The following RERE variants were observed in gnomAD, a reference collection of about 807,000 sequenced individuals.
The protein encoded by RERE is arginine-glutamic acid dipeptide repeats.
Under a neutral mutation model 146.1 loss-of-function variants are expected in RERE, and 40 were observed. The ratio of observed to expected loss-of-function variants is 0.27; its 90% CI spans 0.21 to 0.36. The LOEUF (loss-of-function observed/expected upper bound fraction) is 0.36, where lower values mean the gene tolerates loss of function less well. Among genes scored for constraint, RERE ranks in the 10% least tolerant of loss-of-function variants. RERE has a pLI of 1.00. For synonymous variants in RERE, 1,003 were observed against 866.0 expected (o/e 1.16, Z -2.78); for missense variants, 1,933 against 2,138.7 (o/e 0.90, Z 1.90).
chr1:8,664,033 T>C (rs2124354389), intron 1 of RERE, among the ~76,000 whole-genome samples: 2 of 152,252 alleles, frequency 1.3e-5, no homozygotes, highest in South Asian at 4.1e-4. Context: ...TTGATCCCAC[T>C]AGTGTTATCA....
intron 1 of RERE, among the ~76,000 whole-genome samples, chr1:8,750,021 G>A (rs767222766): frequency 6.6e-6 from 1 of 151,786 alleles, no homozygotes; most frequent in African/African-American, 2.4e-5. Context: ...GCGTGGTGGC[G>A]GGCACCTGTA....
intron 1 of RERE, among the ~76,000 whole-genome samples, chr1:8,663,827 T>C (rs1638509993): frequency 6.6e-6 from 1 of 152,104 alleles, no homozygotes; most frequent in African/African-American, 2.4e-5. Flanking sequence ...ATGCTCCTCC[T>C]GCTGCCTCAA....
intron 1 of RERE, chr1:8,786,446 G>T: frequency 1.1e-6 from 1 of 905,184 alleles, no homozygotes; most frequent in Non-Finnish European, 1.8e-6. Context: ...AAAGCAATTT[G>T]TTTATTCATC....
At chr1:8,525,495 C>G (rs1645558828) in intron 7 of RERE, among the ~76,000 whole-genome samples, 1 of 152,172 alleles carries the variant, frequency 6.6e-6, no homozygotes, top group Admixed American at 6.5e-5. Context: ...TACTACGAGC[C>G]GAAGAGGTAA....
intron 12 of RERE, among the ~76,000 whole-genome samples, chr1:8,403,234 G>A (rs1479530004): frequency 1.3e-5 from 2 of 151,812 alleles, no homozygotes; most frequent in East Asian, 3.9e-4. Context: ...AGCATATTTG[G>A]AATCTCTATT....
At chr1:8,571,821 C>T (rs985664128) in intron 4 of RERE, among the ~76,000 whole-genome samples, 1 of 152,106 alleles carries the variant, frequency 6.6e-6, no homozygotes, top group African/African-American at 2.4e-5. Context: ...AAATGAGAAG[C>T]CTTAGTTAAT....
intron 7 of RERE, among the ~76,000 whole-genome samples, chr1:8,529,027 A>G (rs1385193107): frequency 6.6e-6 from 1 of 152,192 alleles, no homozygotes; most frequent in African/African-American, 2.4e-5. Flanking sequence ...TCGAATTTTC[A>G]GATTAGAGAT....
rs1044280011 is a variant in RERE at position 8,541,425 on chromosome 1, G to A, written c.726-107C>T. 2.7e-5 allele frequency: 17 copies of A among 635,478 alleles called. No individual in the cohort carries two copies. The South Asian group carries it at 3.3e-4, about 12-fold the overall frequency. 39.4% of individuals were successfully genotyped at this position (635,478 alleles called of 1,614,324 possible). ...GCACTGAACTAAGTCCATGTGCATG[G>A]AGAATCGGCTACAAACACCACACTT... On this transcript the variant is annotated intron_variant, in intron 6 of 22. Transcript: ENST00000400908.
chr1:8,625,217 C>G (rs1570530821), intron 2 of RERE, among the ~76,000 whole-genome samples: 1 of 152,238 alleles, frequency 6.6e-6, no homozygotes, highest in East Asian at 1.9e-4. Flanking sequence ...CCTCAGCCAC[C>G]CGAAGTGTCA....
At chr1:8,580,491 T>C (rs1185508797) in intron 4 of RERE, among the ~76,000 whole-genome samples, 1 of 152,266 alleles carries the variant, frequency 6.6e-6, no homozygotes, top group Non-Finnish European at 1.5e-5. Flanking sequence ...TTCATTAAAT[T>C]GCATTATAAG....
intron 1 of RERE, among the ~76,000 whole-genome samples, chr1:8,657,865 C>T (rs1267277940): frequency 3.9e-5 from 6 of 152,142 alleles, no homozygotes; most frequent in Non-Finnish European, 8.8e-5. Context: ...AATGTATTGT[C>T]TCTGCCTTAA....
At chr1:8,748,535 G>C (rs1038052365) in intron 1 of RERE, among the ~76,000 whole-genome samples, 2 of 152,144 alleles carry the variant, frequency 1.3e-5, no homozygotes, top group Non-Finnish European at 2.9e-5. Flanking sequence ...GTGCTCCAAC[G>C]CAAGTATATG....
intron 11 of RERE, among the ~76,000 whole-genome samples, chr1:8,461,841 TTTA>T (rs541386263): frequency 4.1e-4 from 63 of 151,968 alleles, no homozygotes; most frequent in Admixed American, 2.6e-3. Context: ...CAAAAGTACT[TTTA>T]TTATTATTAT....
At chr1:8,388,317 C>CTTTT (rs3996169) in intron 12 of RERE, among the ~76,000 whole-genome samples, 11 of 146,894 alleles carry the variant, frequency 7.5e-5, no homozygotes, top group African/African-American at 2.3e-4. Context: ...TCTGTGCAAT[C>CTTTT]TTTTTTTTTT....
At chr1:8,575,551 A>ATT (rs1557693757) in intron 4 of RERE, among the ~76,000 whole-genome samples, 1 of 67,662 alleles carries the variant, frequency 1.5e-5, no homozygotes, top group African/African-American at 7.4e-5. Context: ...ATATATATAT[A>ATT]TATATATATA....
intron 7 of RERE, among the ~76,000 whole-genome samples, chr1:8,534,753 A>C (rs1645703025): frequency 6.6e-6 from 1 of 152,242 alleles, no homozygotes; most frequent in Non-Finnish European, 1.5e-5. Flanking sequence ...AATGGTTATT[A>C]ATTAAAAAGG....
At chr1:8,741,500 C>T (rs1054969729) in intron 1 of RERE, among the ~76,000 whole-genome samples, 2 of 152,168 alleles carry the variant, frequency 1.3e-5, no homozygotes, top group Admixed American at 1.3e-4. Flanking sequence ...AATCGTGGAG[C>T]CGGTTTCTCC....
At chr1:8,527,441 A>T (rs1030771739) in intron 7 of RERE, among the ~76,000 whole-genome samples, 11 of 151,540 alleles carry the variant, frequency 7.3e-5, no homozygotes, top group African/African-American at 2.2e-4. Flanking sequence ...TGTATATATT[A>T]AAAAAAAACA....
chr1:8,477,760 G>C lies in RERE; in HGVS notation c.1105-11737C>G, dbSNP rs750475906. Among the ~76,000 whole-genome samples the C allele has an allele frequency of 5.3e-5, 8 of 152,068 alleles. 1 individual carries two copies. The highest frequency in any genetic ancestry group is 8.8e-5 in the Non-Finnish European group (6 of 68,020). On this transcript the variant is annotated intron_variant, in intron 10 of 22. Transcript: ENST00000400908. ...CAGAAATAACTGCCCCCAATCCAAG[G>C]GCTCAGCAGTCTGAATCTCAGTGCT...
Sources: gnomAD v4.1 joint callset for allele counts (sites outside exome capture counted in the v4.1 genomes callset) on GRCh38, gnomAD v4.1.1 for gene constraint, MANE v1.5 for transcripts, NCBI Gene and HGNC (gene_info 2026-07-23, HGNC 2026-07-21) for gene names.